Variants in ABL2 observed in about 807,000 individuals in gnomAD.
ABL2 encodes ABL proto-oncogene 2, non-receptor tyrosine kinase.
A neutral mutation model predicts 107.7 loss-of-function variants in ABL2; 49 were observed. The ratio of observed to expected loss-of-function variants is 0.45; its 90% CI spans 0.36 to 0.58. The LOEUF is 0.58. ABL2 is among the 20% of genes least tolerant of loss of function. The pLI, the probability that ABL2 is intolerant of heterozygous loss-of-function variation, is 0.00. For missense variants in ABL2, 1,245 were observed against 1,457.0 expected, an observed-to-expected ratio of 0.85 and a Z score of 2.37; for synonymous variants, 549 against 548.6, an observed-to-expected ratio of 1.00 and a Z score of -0.01.
Position 179,159,240 on chromosome 1 carries a change from T to C in ABL2, c.158-25866A>G, listed in dbSNP as rs188067800. On this transcript the variant is annotated intron_variant, in intron 1 of 11. Coordinates refer to ENST00000502732, the MANE Select transcript of ABL2 (RefSeq NM_007314.4). The stretch of plus-strand genomic sequence containing the variant: ...AAGTACAGATAACCTCTTTAATCTG[T>C]AATCCTTAGAACCTGTAGTCTAAGG... Among the ~76,000 whole-genome samples, 842 of 152,340 alleles carry C rather than the reference T, an allele frequency of 5.5e-3. 5 individuals carry two copies. Among genetic ancestry groups the C allele is most frequent in the Non-Finnish European group, 8.6e-3 (583 of 68,030 alleles).
intron 1 of ABL2, among the ~76,000 whole-genome samples, chr1:179,148,039 C>CTTTTTTTTTTTT: frequency 7.6e-6 from 1 of 131,050 alleles, no homozygotes; most frequent in Non-Finnish European, 1.6e-5. Flanking sequence ...CTTTTCTTTT[C>CTTTTTTTTTTTT]TTTTTTTTTT....
intron 1 of ABL2, among the ~76,000 whole-genome samples, chr1:179,163,531 G>A (rs1659204022): frequency 6.6e-6 from 1 of 152,132 alleles, no homozygotes; most frequent in African/African-American, 2.4e-5. Context: ...TGGATCACTT[G>A]CGGTCAGGAG....
At chr1:179,191,413 CTTTTTTTTTTTTTTTT>C (rs35362624) in intron 1 of ABL2, among the ~76,000 whole-genome samples, 1 of 77,168 alleles carries the variant, frequency 1.3e-5, no homozygotes, top group Non-Finnish European at 2.3e-5. Context: ...TATGAAATCC[CTTTTTTTTTTTTTTTT>C]TTTTTTTTGA....
At chr1:179,120,075 G>C (rs572838213) in intron 6 of ABL2, 115 bp downstream of exon 6, 3 of 625,710 alleles carry the variant, frequency 4.8e-6, no homozygotes, top group African/African-American at 3.8e-5. Flanking sequence ...CTGGACAACA[G>C]AGCGAGACCC....
intron 1 of ABL2, among the ~76,000 whole-genome samples, chr1:179,196,084 G>A (rs1294994835): frequency 6.6e-6 from 1 of 152,128 alleles, no homozygotes; most frequent in East Asian, 1.9e-4. Flanking sequence ...GAGGCCAGGA[G>A]TTCCTCCCCA....
chr1:179,192,866 C>A (rs960635719), intron 1 of ABL2, among the ~76,000 whole-genome samples: 1 of 152,132 alleles, frequency 6.6e-6, no homozygotes, highest in Admixed American at 6.6e-5. Flanking sequence ...CAGAACTTTT[C>A]ACGTATTTTT....
At chr1:179,164,778 A>G (rs760899069) in intron 1 of ABL2, among the ~76,000 whole-genome samples, 3 of 152,226 alleles carry the variant, frequency 2.0e-5, no homozygotes, top group Non-Finnish European at 4.4e-5. Flanking sequence ...TATAGTTTCT[A>G]TGCATGAAAT....
At chr1:179,188,472 G>T (rs916368624) in intron 1 of ABL2, among the ~76,000 whole-genome samples, 1 of 150,232 alleles carries the variant, frequency 6.7e-6, no homozygotes, top group Non-Finnish European at 1.5e-5. Flanking sequence ...GTTTGAACGC[G>T]GGAGGTAGAG....
At position 179,104,821 on chromosome 1, in the gene ABL2, C is replaced by T. The variant is rs1413371729; in HGVS notation, c.*2897G>A. The T allele has an allele frequency of 1.4e-5, 3 of 218,154 alleles. No individual in the cohort carries two copies. Among genetic ancestry groups the T allele is most frequent in the East Asian group, 6.7e-5 (1 of 14,816 alleles). The allele number at this position is 218,154 out of a possible 1,614,324, so 13.5% of individuals were successfully genotyped here. A position where few individuals can be genotyped will look rare whatever the true frequency, so the allele number is the denominator to read the frequency against. On this transcript the variant is annotated 3_prime_UTR_variant, in exon 12 of 12. Transcript: ENST00000502732. ...CATAACCACTTTAGAAAACTGTCAA[C>T]GCCTTGGACAAGGGCCTTTGCTCAT...
intron 1 of ABL2, among the ~76,000 whole-genome samples, chr1:179,203,909 A>T (rs528735386): frequency 1.3e-5 from 2 of 152,350 alleles, no homozygotes; most frequent in African/African-American, 4.8e-5. Context: ...GTTATTTAAC[A>T]TCCCAGTAAT....
At chr1:179,136,553 C>A (rs1657006542) in intron 1 of ABL2, among the ~76,000 whole-genome samples, 1 of 147,870 alleles carries the variant, frequency 6.8e-6, no homozygotes, top group South Asian at 2.1e-4. Flanking sequence ...ATCTCAAGTA[C>A]CCAGGGACAC....
At chr1:179,114,856 T>C (rs1557915009) in intron 9 of ABL2, 22 bp downstream of exon 9, 18 of 1,574,244 alleles carry the variant, frequency 1.1e-5, no homozygotes, top group Non-Finnish European at 1.5e-5. Context: ...CCTTCAAAAT[T>C]AAAACATGCA....
chr1:179,192,999 C>T (rs941695038), intron 1 of ABL2, among the ~76,000 whole-genome samples: 4 of 152,194 alleles, frequency 2.6e-5, no homozygotes, highest in East Asian at 1.9e-4. Flanking sequence ...TTATCTTCTG[C>T]GTTGTTGTCT....
At position 179,108,387 on chromosome 1, in the gene ABL2, G is replaced by C. The variant is rs751842214; in HGVS notation, c.2880C>G (p.Leu960=). 6.2e-7 allele frequency: 1 copy of C among 1,614,106 alleles called. No individual in the cohort carries two copies. Among genetic ancestry groups the C allele is most frequent in the Non-Finnish European group, 8.5e-7 (1 of 1,180,056 alleles). The change falls in exon 12 of 12, where the codon CTC becomes CTG. Residue 960 remains leucine, a synonymous_variant. Transcript: ENST00000502732. The part of the protein sequence containing the change: ...GTDSQGNKFK[L]LSEHQVTSSG... ...AGGATGTGACCTGATGCTCAGATAA[G>C]AGCTTGAATTTATTCCCCTGAGAGT...
chr1:179,207,127 C>T (rs1009076945), intron 1 of ABL2, among the ~76,000 whole-genome samples: 1 of 151,990 alleles, frequency 6.6e-6, no homozygotes, highest in African/African-American at 2.4e-5. Context: ...CCTTCCATTA[C>T]CTTCTGAAGT....
At chr1:179,183,494 T>G (rs1272804311) in intron 1 of ABL2, among the ~76,000 whole-genome samples, 1 of 152,162 alleles carries the variant, frequency 6.6e-6, no homozygotes, top group Non-Finnish European at 1.5e-5. Flanking sequence ...CATCTTTCTA[T>G]GTATGCAGAA....
intron 1 of ABL2, among the ~76,000 whole-genome samples, chr1:179,213,696 TG>T (rs1161130690): frequency 1.3e-5 from 2 of 152,136 alleles, no homozygotes; most frequent in African/African-American, 4.8e-5. Flanking sequence ...AGGGAGGAAA[TG>T]GATGGGTGCT....
chr1:179,149,311 G>T (rs1053138727), intron 1 of ABL2, among the ~76,000 whole-genome samples: 2 of 152,222 alleles, frequency 1.3e-5, no homozygotes, highest in Non-Finnish European at 2.9e-5. Context: ...AGCTGCAGAA[G>T]AAAAGTTTGA....
chr1:179,134,334 T>C (rs911449113), intron 1 of ABL2, among the ~76,000 whole-genome samples: 2 of 152,056 alleles, frequency 1.3e-5, no homozygotes, highest in Admixed American at 1.3e-4. Context: ...TCACCTGAGG[T>C]CAGAAGTTTG....
Sources: gnomAD v4.1 joint callset for allele counts (sites outside exome capture counted in the v4.1 genomes callset) on GRCh38, gnomAD v4.1.1 for gene constraint, MANE v1.5 for transcripts, NCBI Gene and HGNC (gene_info 2026-07-23, HGNC 2026-07-21) for gene names.